Variants in MXD3 observed in about 807,000 individuals in gnomAD.
The protein encoded by MXD3 is MAX dimerization protein 3.
Under a neutral mutation model 27.5 loss-of-function variants are expected in MXD3, and 20 were observed. The ratio of observed to expected loss-of-function variants is 0.73; its 90% CI spans 0.51 to 1.06. The LOEUF (loss-of-function observed/expected upper bound fraction) is 1.06. MXD3 is among the 50% of genes least tolerant of loss of function. The probability of loss-of-function intolerance (pLI) is 0.00; values close to 1 mark genes in which losing one functional copy is unlikely to be tolerated. For missense variants in MXD3, 298 were observed against 291.3 expected (o/e 1.02, Z -0.17); for synonymous variants, 150 against 130.7 (o/e 1.15, Z -1.01).
At chr5:177,306,127 C>T (rs199675408), downstream of MXD3, 50 of 1,613,682 alleles carry the variant, frequency 3.1e-5, 1 homozygote, top group Non-Finnish European at 1.7e-5. Context: ...TCAAAAGCAA[C>T]GTGACCAAGA....
In MXD3 at chr5:177,310,731, A is replaced by C. The variant is rs199580110; in HGVS notation, c.177-34T>G. On this transcript the variant is annotated intron_variant, in intron 2 of 5. Transcript: ENST00000439742. ...GCCAGAGAGGATGAGGTGAAGGGGA[A>C]TCAGCTACTGCCCATGCCCCAATCC... 1.4e-4 allele frequency: 219 copies of C among 1,613,330 alleles called. 1 individual carries two copies. The African/African-American group carries it at 2.6e-3, about 19-fold the overall frequency.
chr5:177,307,858 G>T lies in MXD3; in HGVS notation c.428C>A (p.Ala143Glu). 1 of 1,609,090 alleles carries T rather than the reference G, an allele frequency of 6.2e-7. No individual in the cohort carries two copies. The highest frequency in any genetic ancestry group is 8.5e-7 in the Non-Finnish European group (1 of 1,178,508). Residue 143 changes from alanine (A) to glutamate (E), a missense_variant, in exon 5 of 6, where the codon GCG (alanine) becomes GAG (glutamate). Ala to Glu is a moderately radical substitution (Grantham distance 107, BLOSUM62 -1). Coordinates refer to ENST00000439742, the MANE Select transcript of MXD3 (RefSeq NM_031300.4). The part of the protein sequence containing the change: ...QLEQLRGLAG[A>E]AERERLRADS... ...CGCCCGCAGCCGCTCCCGCTCGGCC[G>T]CCCCTGCCAGCCCCCGGAGCTGCTC...
chr5:177,312,004 C>A (rs1761051613), upstream of MXD3: 1 of 1,280,536 alleles, frequency 7.8e-7, no homozygotes, highest in Non-Finnish European at 9.9e-7. Context: ...TGGAACCCGC[C>A]ACGGAGCCGC....
chr5:177,310,092 C>CG (rs1760997255), intron 4 of MXD3, among the ~76,000 whole-genome samples: 1 of 152,216 alleles, frequency 6.6e-6, no homozygotes, highest in African/African-American at 2.4e-5. Flanking sequence ...ATTCAACAGC[C>CG]ATCCCCTCCC....
Position 177,307,831 on chromosome 5 carries a change from T to C in MXD3, c.455A>G (p.Asp152Gly), listed in dbSNP as rs1760926051. 5.0e-6 allele frequency: 8 copies of C among 1,611,890 alleles called. No individual in the cohort carries two copies. In the East Asian group the frequency reaches 1.8e-4, roughly 36 times the overall value. ...GAAERERLRA[D>G]SLDSSGLSSE... ...GGAGAGGCCTGAGGAGTCCAGACTG[T>C]CCGCCCGCAGCCGCTCCCGCTCGGC... Residue 152 changes from aspartate (D) to glycine (G), a missense_variant, in exon 5 of 6, where the codon GAC (aspartate) becomes GGC (glycine). Asp to Gly is a moderately conservative substitution (Grantham distance 94). Transcript: ENST00000439742.
At chr5:177,305,578 G>T, downstream of MXD3, 1 of 414,306 alleles carries the variant, frequency 2.4e-6, no homozygotes, top group South Asian at 2.4e-5. Flanking sequence ...CACTGCATGC[G>T]TCTAGATGCA....
chr5:177,307,154 TG>T, downstream of MXD3: 2 of 1,542,718 alleles, frequency 1.3e-6, no homozygotes, highest in Non-Finnish European at 1.7e-6. Context: ...CCTCTTCCAG[TG>T]GGTCTGTGGT....
Sources: allele counts gnomAD v4.1 joint callset (sites outside exome capture counted in the v4.1 genomes callset), GRCh38; gene constraint gnomAD v4.1.1; transcripts MANE v1.5; gene names NCBI Gene and HGNC (gene_info 2026-07-23, HGNC 2026-07-21).